PROS1: variants seen among roughly 807,000 people sequenced by gnomAD.
PROS1 encodes vitamin K-dependent protein S.
In PROS1, 29 loss-of-function variants were observed where a neutral mutation model predicts 75.9. The observed-to-expected ratio is 0.38, with a 90% CI of 0.28 to 0.52. The LOEUF is 0.52. Among genes scored for constraint, PROS1 ranks in the 20% least tolerant of loss-of-function variants. PROS1 has a pLI of 0.83. For synonymous variants in PROS1, 245 were observed against 280.6 expected (o/e 0.87, Z 1.27); for missense variants, 680 against 810.3 (o/e 0.84, Z 1.95).
chr3:93,876,448 G>A (rs1259914016), intron 14 of PROS1, among the ~76,000 whole-genome samples: 1 of 151,964 alleles, frequency 6.6e-6, no homozygotes, highest in Non-Finnish European at 1.5e-5. Context: ...GATTAGCCGG[G>A]TGTGGTGGCG....
chr3:93,916,441 G>A (rs1708850175), intron 3 of PROS1, among the ~76,000 whole-genome samples: 1 of 152,090 alleles, frequency 6.6e-6, no homozygotes, highest in South Asian at 2.1e-4. Flanking sequence ...AACACATAAG[G>A]CACATTATAT....
In PROS1 at chr3:93,892,928, C is replaced by T. The variant is rs199469494; in HGVS notation, c.1155+5G>A. ...GGAAGATATTGATGAAATCTGCAAACGTACCATATTCCATAGACCATTATT... is the reference window on the plus strand; with the variant it reads ...GGAAGATATTGATGAAATCTGCAAATGTACCATATTCCATAGACCATTATT... On this transcript the variant is annotated splice_donor_5th_base_variant and intron_variant, in intron 10 of 14. Transcript: ENST00000394236. 3.7e-6 allele frequency: 6 copies of T among 1,607,982 alleles called. No individual in the cohort carries two copies. Among genetic ancestry groups the T allele is most frequent in the South Asian group, 1.1e-5 (1 of 90,874 alleles).
At chr3:93,907,652 A>G (rs1389652027) in intron 4 of PROS1, among the ~76,000 whole-genome samples, 2 of 152,120 alleles carry the variant, frequency 1.3e-5, no homozygotes, top group African/African-American at 4.8e-5. Context: ...CTCATTCTTC[A>G]TGGATGCAGG....
At chr3:93,940,898 T>C (rs1323931927) in intron 1 of PROS1, among the ~76,000 whole-genome samples, 1 of 152,200 alleles carries the variant, frequency 6.6e-6, no homozygotes, top group East Asian at 1.9e-4. Context: ...TAGTTCAAGA[T>C]CTGCGCCTTA....
At chr3:93,949,147 T>C (rs1709452571) in intron 1 of PROS1, among the ~76,000 whole-genome samples, 1 of 152,142 alleles carries the variant, frequency 6.6e-6, no homozygotes, top group South Asian at 2.1e-4. Flanking sequence ...AAAGTCTCAG[T>C]AAGGGCCAGG....
At chr3:93,917,690 C>A (rs773512246) in intron 3 of PROS1, among the ~76,000 whole-genome samples, 1 of 152,130 alleles carries the variant, frequency 6.6e-6, no homozygotes, top group African/African-American at 2.4e-5. Flanking sequence ...AGCAGCCGGC[C>A]GGCCCTGCCA....
In PROS1 at chr3:93,874,844, G is replaced by A. The variant is rs1414547565; in HGVS notation, c.1871-439C>T. Among the ~76,000 whole-genome samples the A allele has an allele frequency of 2.0e-5, 3 of 151,814 alleles. No homozygotes were observed. In the South Asian group the frequency reaches 6.2e-4, roughly 32 times the overall value. On this transcript the variant is annotated intron_variant, in intron 14 of 14. Transcript: ENST00000394236. The stretch of plus-strand genomic sequence containing the variant: ...TGATCAATATATCTCTTTTATTATT[G>A]TTGGAATAAAAGCAGATTTCTGTAT...
intron 1 of PROS1, among the ~76,000 whole-genome samples, chr3:93,963,736 C>T (rs1418307243): frequency 6.6e-6 from 1 of 152,100 alleles, no homozygotes; most frequent in Admixed American, 6.6e-5. Context: ...AACCAGATCT[C>T]ACGTGAACCT....
chr3:93,923,630 G>A (rs1000926632), intron 3 of PROS1, among the ~76,000 whole-genome samples: 3 of 152,174 alleles, frequency 2.0e-5, no homozygotes, highest in African/African-American at 7.2e-5. Flanking sequence ...GCTGGGCAGG[G>A]TGGGTCATGC....
At chr3:93,969,928 T>C (rs761369081) in intron 1 of PROS1, among the ~76,000 whole-genome samples, 1 of 152,178 alleles carries the variant, frequency 6.6e-6, no homozygotes, top group Non-Finnish European at 1.5e-5. Flanking sequence ...ACAGAAAAGG[T>C]CTATTGTTTC....
At chr3:93,879,490 C>A (rs980049639) in intron 12 of PROS1, among the ~76,000 whole-genome samples, 176 bp from the exon 13 acceptor site, 17 of 152,142 alleles carry the variant, frequency 1.1e-4, no homozygotes, top group African/African-American at 3.6e-4. Context: ...TTTTGTAATG[C>A]AGGCAAGAAA....
rs1708454485 is a variant in PROS1 at position 93,892,982 on chromosome 3, G to T, written c.1106C>A (p.Ser369Tyr). ...AACATCACCTCCAGTTGTGATTTTG[G>T]ATGTATGTTCATTCTTAAGCTGAAC... ...IEVQLKNEHT[S>Y]KITTGGDVIN... The change falls in exon 10 of 15, where the codon TCC becomes TAC. Residue 369 changes from serine (S) to tyrosine (Y), a missense_variant. Transcript: ENST00000394236. The T allele has an allele frequency of 1.9e-6, 3 of 1,612,998 alleles. No homozygotes were observed. In the East Asian group the frequency reaches 6.7e-5, roughly 36 times the overall value.
At chr3:93,900,128 T>C (rs1708568287) in intron 7 of PROS1, among the ~76,000 whole-genome samples, 1 of 152,164 alleles carries the variant, frequency 6.6e-6, no homozygotes, top group Admixed American at 6.5e-5. Flanking sequence ...TATATCATAA[T>C]AAACAAACCT....
chr3:93,953,313 T>C (rs71477670), intron 1 of PROS1, among the ~76,000 whole-genome samples: 1 of 152,112 alleles, frequency 6.6e-6, no homozygotes, highest in African/African-American at 2.4e-5. Flanking sequence ...TGATGAACAT[T>C]GATGCAAAAA....
intron 7 of PROS1, among the ~76,000 whole-genome samples, chr3:93,899,149 T>G (rs1053205063): frequency 3.5e-5 from 5 of 143,134 alleles, no homozygotes; most frequent in African/African-American, 5.2e-5. Flanking sequence ...GAAATATCTG[T>G]TTTTTTTTTT....
rs1343257406 is a variant in PROS1 at position 93,896,604 on chromosome 3, A to T, written c.937T>A (p.Leu313Ile). 11 of 1,613,300 alleles carry T rather than the reference A, an allele frequency of 6.8e-6. No individual in the cohort carries two copies. The highest frequency in any genetic ancestry group is 5.3e-5 in the African/African-American group (4 of 74,870). Residue 313 changes from leucine to isoleucine, a missense_variant, in exon 9 of 15, where the codon TTA becomes ATA. Transcript: ENST00000394236. ...AEQFAGVVLY[L>I]KFRLPEISRF... is the part of the protein sequence containing the mutation. ...CTGATTTCTGGCAAACGAAATTTTAAATATAAAACAACCCCTGCAAACTGC... is the reference window on the plus strand; with the variant it reads ...CTGATTTCTGGCAAACGAAATTTTATATATAAAACAACCCCTGCAAACTGC...
chr3:93,895,843 T>A (rs1459734699), intron 9 of PROS1, among the ~76,000 whole-genome samples: 1 of 152,154 alleles, frequency 6.6e-6, no homozygotes, highest in East Asian at 1.9e-4. Flanking sequence ...CTCACACCTG[T>A]AGTCCTAGCT....
intron 3 of PROS1, 196 bp from the exon 4 acceptor site, chr3:93,910,901 T>C (rs1399716369): frequency 8.7e-6 from 5 of 571,762 alleles, no homozygotes; most frequent in African/African-American, 1.9e-5. Context: ...TGGCAACAGA[T>C]ACAGAAACAT....
chr3:93,954,177 T>C (rs887410236), intron 1 of PROS1, among the ~76,000 whole-genome samples: 2 of 152,086 alleles, frequency 1.3e-5, no homozygotes, highest in Non-Finnish European at 2.9e-5. Context: ...TTCAATGCCA[T>C]CCCCATCAAG....
Sources: gnomAD v4.1 joint callset for allele counts (sites outside exome capture counted in the v4.1 genomes callset) on GRCh38, gnomAD v4.1.1 for gene constraint, MANE v1.5 for transcripts, NCBI Gene and HGNC (gene_info 2026-07-23, HGNC 2026-07-21) for gene names.